The following HHLA2 variants were observed in gnomAD, a reference collection of about 807,000 sequenced individuals.
The protein encoded by HHLA2 is HERV-H LTR-associating protein 2.
A neutral mutation model predicts 45.9 loss-of-function variants in HHLA2; 48 were observed. That is an observed-to-expected ratio of 1.05 (90% CI 0.83 to 1.33). HHLA2 has a LOEUF of 1.33. Ranked by LOEUF, HHLA2 falls within the 40% of genes most tolerant of loss-of-function variation. The pLI is 0.00. For missense variants in HHLA2, 462 were observed against 494.3 expected, an observed-to-expected ratio of 0.93 and a Z score of 0.62; for synonymous variants, 161 against 173.9, an observed-to-expected ratio of 0.93 and a Z score of 0.59.
chr3:108,369,459 G>C (rs925544175), intron 8 of HHLA2, among the ~76,000 whole-genome samples: 8 of 152,254 alleles, frequency 5.3e-5, no homozygotes, highest in Non-Finnish European at 1.0e-4. Flanking sequence ...GTGCCTGACA[G>C]TGGGTGCAGG....
At chr3:108,371,944 A>T (rs2082183242) in intron 8 of HHLA2, among the ~76,000 whole-genome samples, 1 of 152,240 alleles carries the variant, frequency 6.6e-6, no homozygotes, top group South Asian at 2.1e-4. Context: ...AAGGATATCC[A>T]GGAATTGAAC....
chr3:108,340,130 A>G (rs886350624), intron 3 of HHLA2, among the ~76,000 whole-genome samples: 1 of 152,120 alleles, frequency 6.6e-6, no homozygotes, highest in African/African-American at 2.4e-5. Context: ...GATTAGAAGG[A>G]GGGCTAAGGT....
At chr3:108,303,293 C>T (rs2080878563) in intron 1 of HHLA2, among the ~76,000 whole-genome samples, 1 of 152,166 alleles carries the variant, frequency 6.6e-6, no homozygotes, top group Admixed American at 6.5e-5. Context: ...TAATTGCATT[C>T]AATTTATGTT....
chr3:108,353,912 A>G, intron 5 of HHLA2, 132 bp downstream of exon 4: 1 of 651,720 alleles, frequency 1.5e-6, no homozygotes, highest in Non-Finnish European at 2.6e-6. Context: ...TTTAACGCAC[A>G]GCAACTTGTA....
intron 8 of HHLA2, 86 bp from the exon 8 acceptor site, chr3:108,375,664 G>A: frequency 6.6e-7 from 1 of 1,506,500 alleles, no homozygotes; most frequent in East Asian, 2.5e-5. Context: ...TCAATTGAAG[G>A]ACAGAGCCAT....
intron 8 of HHLA2, among the ~76,000 whole-genome samples, chr3:108,369,547 G>A (rs1424035594): frequency 1.3e-5 from 2 of 152,158 alleles, no homozygotes; most frequent in African/African-American, 2.4e-5. Flanking sequence ...AGGGGTCAGG[G>A]AATTCCCTTT....
chr3:108,368,649 T>C (rs563576708), intron 8 of HHLA2, among the ~76,000 whole-genome samples: 1 of 140,636 alleles, frequency 7.1e-6, no homozygotes, highest in Admixed American at 7.4e-5. Flanking sequence ...CGTTACATAA[T>C]GGTAAAGGGA....
At chr3:108,373,382 G>A (rs536581526) in intron 8 of HHLA2, among the ~76,000 whole-genome samples, 43 of 152,134 alleles carry the variant, frequency 2.8e-4, no homozygotes, top group African/African-American at 9.2e-4. Context: ...CATACTGAAC[G>A]GACAAAAACT....
chr3:108,327,148 A>T (rs1319508135), intron 2 of HHLA2, among the ~76,000 whole-genome samples: 1 of 152,026 alleles, frequency 6.6e-6, no homozygotes, highest in Non-Finnish European at 1.5e-5. Context: ...CTTAGAATAA[A>T]TTTTTCTCTC....
intron 3 of HHLA2, among the ~76,000 whole-genome samples, chr3:108,344,040 G>A (rs531857782): frequency 2.0e-5 from 3 of 152,108 alleles, no homozygotes; most frequent in African/African-American, 7.2e-5. Context: ...ATAATCAGAT[G>A]TGTCTAGTTA....
intron 2 of HHLA2, among the ~76,000 whole-genome samples, chr3:108,314,605 G>A (rs2081074040): frequency 6.6e-6 from 1 of 152,120 alleles, no homozygotes; most frequent in African/African-American, 2.4e-5. Flanking sequence ...CCGGTCAAAA[G>A]GAAAGCTGAG....
At chr3:108,360,107 CATCCTCT>C (rs61348459) in intron 7 of HHLA2, among the ~76,000 whole-genome samples, 101,630 of 150,748 alleles carry the variant, frequency 0.67, 35,128 homozygotes, top group African/African-American at 0.77. Context: ...TCTGTGTAGC[CATCCTCT>C]ATCCTCTACT....
chr3:108,330,581 T>G (rs2081368819), intron 3 of HHLA2, among the ~76,000 whole-genome samples: 1 of 152,188 alleles, frequency 6.6e-6, no homozygotes, highest in Non-Finnish European at 1.5e-5. Context: ...CTTAAAGCAG[T>G]GGCCCCTGAT....
At chr3:108,365,826 T>C (rs2082054313) in intron 8 of HHLA2, among the ~76,000 whole-genome samples, 1 of 152,222 alleles carries the variant, frequency 6.6e-6, no homozygotes, top group Admixed American at 6.5e-5. Flanking sequence ...TTTTTGCACA[T>C]TGATTTTGTA....
intron 2 of HHLA2, among the ~76,000 whole-genome samples, chr3:108,315,971 G>A (rs1232210199): frequency 6.6e-6 from 1 of 151,774 alleles, no homozygotes; most frequent in African/African-American, 2.4e-5. Flanking sequence ...TGAAATGTCA[G>A]CATTTTATTT....
chr3:108,354,097 T>G, intron 5 of HHLA2, among the ~76,000 whole-genome samples: 1 of 152,152 alleles, frequency 6.6e-6, no homozygotes, highest in Non-Finnish European at 1.5e-5. Context: ...ACTAGCAGCA[T>G]AAGACTATCC....
At chr3:108,319,546 G>A (rs560816655) in intron 2 of HHLA2, among the ~76,000 whole-genome samples, 146 of 152,150 alleles carry the variant, frequency 9.6e-4, no homozygotes, top group Non-Finnish European at 9.4e-4. Context: ...TTTACCAAGT[G>A]ACCATAAAGA....
At chr3:108,349,272 G>C (rs2081732173) in intron 3 of HHLA2, among the ~76,000 whole-genome samples, 1 of 151,488 alleles carries the variant, frequency 6.6e-6, no homozygotes, top group Non-Finnish European at 1.5e-5. Flanking sequence ...AGAAAAGAGA[G>C]AAGAATCAAA....
At chr3:108,360,160 G>A (rs1020752129) in intron 7 of HHLA2, among the ~76,000 whole-genome samples, 1 of 152,006 alleles carries the variant, frequency 6.6e-6, no homozygotes, top group Non-Finnish European at 1.5e-5. Context: ...ATCTCTTGCT[G>A]AAGTCTTCAT....
Sources: allele counts gnomAD v4.1 joint callset (sites outside exome capture counted in the v4.1 genomes callset), GRCh38; gene constraint gnomAD v4.1.1; transcripts MANE v1.5; gene names NCBI Gene and HGNC (gene_info 2026-07-23, HGNC 2026-07-21).